The following CPEB1 variants were observed in gnomAD, a reference collection of about 807,000 sequenced individuals.
CPEB1 encodes the protein cytoplasmic polyadenylation element binding protein 1.
A neutral mutation model predicts 65.8 loss-of-function variants in CPEB1; 7 were observed. The ratio of observed to expected loss-of-function variants is 0.11; its 90% CI spans 0.06 to 0.20. The LOEUF is 0.20. CPEB1 is among the 10% of genes least tolerant of loss of function. The pLI is 1.00. For synonymous variants in CPEB1, 262 were observed against 260.0 expected (o/e 1.01, Z -0.08); for missense variants, 551 against 712.2 (o/e 0.77, Z 2.58).
In CPEB1 at chr15:82,628,514, CT is replaced by C; in HGVS notation, c.-56del. On this transcript the variant is annotated 5_prime_UTR_variant, in exon 2 of 13. Coordinates refer to ENST00000684509, the MANE Select transcript of CPEB1 (RefSeq NM_001365242.1). ...TCCGATTATTCAAGGCTGCTTTTGACTTCTTTTACAATACAGACCCTTCTAT... is the reference window on the plus strand; with the variant it reads ...TCCGATTATTCAAGGCTGCTTTTGACTCTTTTACAATACAGACCCTTCTAT... The C allele has an allele frequency of 1.4e-6, 1 of 699,218 alleles. No individual in the cohort carries two copies. Among genetic ancestry groups the C allele is most frequent in the Non-Finnish European group, 2.6e-6 (1 of 383,836 alleles). 43.3% of individuals were successfully genotyped at this position (699,218 alleles called of 1,614,324 possible). A position where few individuals can be genotyped will look rare whatever the true frequency, so the allele number is the denominator to read the frequency against.
At chr15:82,609,968 G>A (rs538098824) in intron 3 of CPEB1, among the ~76,000 whole-genome samples, 19 of 151,204 alleles carry the variant, frequency 1.3e-4, no homozygotes, top group Admixed American at 1.3e-3. Context: ...GCTGAGGCGG[G>A]AGAATCGCTT....
intron 3 of CPEB1, chr15:82,572,975 G>A: frequency 7.0e-7 from 1 of 1,434,102 alleles, no homozygotes; most frequent in Non-Finnish European, 9.2e-7. Flanking sequence ...AAGGAGGGTA[G>A]GGCAACAGGC....
At chr15:82,549,960 C>T (rs1421704879) in intron 9 of CPEB1, among the ~76,000 whole-genome samples, 1 of 152,182 alleles carries the variant, frequency 6.6e-6, no homozygotes, top group Non-Finnish European at 1.5e-5. Flanking sequence ...GCCCAGCATT[C>T]TATTTCAACC....
At chr15:82,574,765 T>C (rs754988145) in intron 3 of CPEB1, among the ~76,000 whole-genome samples, 9 of 126,790 alleles carry the variant, frequency 7.1e-5, no homozygotes, top group Non-Finnish European at 1.3e-4. Context: ...TAAACCATGT[T>C]CATGTACTGG....
chr15:82,551,869 G>A (rs1350537572), intron 9 of CPEB1, among the ~76,000 whole-genome samples: 1 of 152,186 alleles, frequency 6.6e-6, no homozygotes, highest in African/African-American at 2.4e-5. Context: ...CCAAGAATGT[G>A]CAATGAGATC....
chr15:82,609,086 A>C (rs2043890571), intron 3 of CPEB1, among the ~76,000 whole-genome samples: 1 of 152,230 alleles, frequency 6.6e-6, no homozygotes. Context: ...CATACTCTTC[A>C]TCAATGGATC....
At chr15:82,575,019 A>G (rs1359265537) in intron 3 of CPEB1, among the ~76,000 whole-genome samples, 4 of 152,266 alleles carry the variant, frequency 2.6e-5, no homozygotes, top group African/African-American at 9.6e-5. Context: ...GTTTTATAAT[A>G]AAGTGATGAA....
At chr15:82,587,266 G>A (rs1192214553) in intron 3 of CPEB1, among the ~76,000 whole-genome samples, 7 of 152,108 alleles carry the variant, frequency 4.6e-5, no homozygotes. Flanking sequence ...TATCTCCATC[G>A]AGAATTTAAC....
Position 82,555,853 on chromosome 15 carries a change from G to A in CPEB1, c.940+17C>T, listed in dbSNP as rs1160362440. On this transcript the variant is annotated intron_variant, in intron 6 of 12. Coordinates refer to ENST00000684509, the MANE Select transcript of CPEB1 (RefSeq NM_001365242.1). ...AAATGAGGCCTCAGGCCTCACACATGCTCAAGGCACACTCACCTGCAGCTT... is the reference window on the plus strand; with the variant it reads ...AAATGAGGCCTCAGGCCTCACACATACTCAAGGCACACTCACCTGCAGCTT... The A allele has an allele frequency of 3.1e-6, 5 of 1,604,570 alleles. No homozygotes were observed. Among genetic ancestry groups the A allele is most frequent in the Non-Finnish European group, 4.2e-6 (5 of 1,177,162 alleles).
intron 1 of CPEB1, among the ~76,000 whole-genome samples, chr15:82,642,655 C>A (rs1372770531): frequency 2.0e-5 from 3 of 152,172 alleles, no homozygotes; most frequent in Non-Finnish European, 4.4e-5. Context: ...TCTTACATAA[C>A]CCCCTCTACC....
chr15:82,601,088 T>TAG (rs758321145), intron 3 of CPEB1, among the ~76,000 whole-genome samples: 3 of 150,858 alleles, frequency 2.0e-5, no homozygotes, highest in Non-Finnish European at 4.4e-5. Context: ...TATTTTTTAG[T>TAG]AGAGACAGGG....
intron 3 of CPEB1, among the ~76,000 whole-genome samples, chr15:82,610,444 T>C (rs2044020446): frequency 2.0e-5 from 3 of 152,104 alleles, no homozygotes; most frequent in South Asian, 2.1e-4. Context: ...TTAATCTAAA[T>C]GCAGTGGCAT....
At chr15:82,548,516 A>C in intron 10 of CPEB1, 1 of 273,146 alleles carries the variant, frequency 3.7e-6, no homozygotes, top group Non-Finnish European at 7.4e-6. Context: ...TTGCAGATCA[A>C]GATGGGAAGG....
intron 3 of CPEB1, among the ~76,000 whole-genome samples, chr15:82,601,065 G>T (rs142570670): frequency 6.7e-6 from 1 of 149,902 alleles, no homozygotes; most frequent in African/African-American, 2.4e-5. Flanking sequence ...CCACCACACC[G>T]AGCTAATTTT....
intron 4 of CPEB1, among the ~76,000 whole-genome samples, chr15:82,561,547 T>C (rs2038202365): frequency 6.6e-6 from 1 of 152,172 alleles, no homozygotes; most frequent in Non-Finnish European, 1.5e-5. Context: ...AGATGGCAAG[T>C]ATGGGCTCTG....
chr15:82,596,033 C>T (rs1237514260), intron 3 of CPEB1, among the ~76,000 whole-genome samples: 1 of 152,120 alleles, frequency 6.6e-6, no homozygotes, highest in Non-Finnish European at 1.5e-5. Context: ...GCAGATAATT[C>T]CATAGAACAC....
At chr15:82,635,546 G>A (rs954064041) in intron 1 of CPEB1, among the ~76,000 whole-genome samples, 2 of 152,184 alleles carry the variant, frequency 1.3e-5, no homozygotes, top group African/African-American at 2.4e-5. Flanking sequence ...GAAATTGTCA[G>A]TATTTTACCT....
At chr15:82,647,930 G>A (rs919536788), upstream of CPEB1, 25 of 1,207,826 alleles carry the variant, frequency 2.1e-5, no homozygotes, top group Non-Finnish European at 2.5e-5. Context: ...GGCGAGAGAC[G>A]CGCACGCACG....
intron 4 of CPEB1, among the ~76,000 whole-genome samples, 156 bp from the exon 5 acceptor site, chr15:82,558,142 G>C (rs1816915842): frequency 6.6e-6 from 1 of 152,228 alleles, no homozygotes; most frequent in South Asian, 2.1e-4. Context: ...TATATATCCA[G>C]CTCTGAGACC....
Sources: allele counts gnomAD v4.1 joint callset (sites outside exome capture counted in the v4.1 genomes callset), GRCh38; gene constraint gnomAD v4.1.1; transcripts MANE v1.5; gene names NCBI Gene and HGNC (gene_info 2026-07-23, HGNC 2026-07-21).